CSF1: variants seen among roughly 807,000 people sequenced by gnomAD.
CSF1 encodes the protein colony stimulating factor 1, also known as macrophage colony-stimulating factor 1.
In CSF1, 9 loss-of-function variants were observed where a neutral mutation model predicts 48.9. The ratio of observed to expected loss-of-function variants is 0.18; its 90% CI spans 0.11 to 0.32. The LOEUF (loss-of-function observed/expected upper bound fraction) is 0.32, where lower values mean the gene tolerates loss of function less well. Ranked by LOEUF, CSF1 falls within the 10% of genes least tolerant of loss-of-function variation. The probability of loss-of-function intolerance (pLI) is 1.00; values close to 1 mark genes in which losing one functional copy is unlikely to be tolerated. For missense variants in CSF1, 672 were observed against 697.9 expected (o/e 0.96, Z 0.42); for synonymous variants, 305 against 284.1 (o/e 1.07, Z -0.74).
chr1:109,924,260 G>T, intron 6 of CSF1, 70 bp downstream of exon 6: 2 of 1,404,790 alleles, frequency 1.4e-6, no homozygotes, highest in South Asian at 2.8e-5. Context: ...GGGGGTGCAG[G>T]TGGGGGGACA....
chr1:109,929,931 G>A lies in CSF1; in HGVS notation c.*1093G>A, dbSNP rs1409606878. On this transcript the variant is annotated 3_prime_UTR_variant, in exon 9 of 9. Transcript: ENST00000329608. ...ACTTTGACATTCCCAAGAGGGAAGG[G>A]ACTAGTGGGAGAGAGCAAGGGAGGG... The A allele has an allele frequency of 6.6e-6, 1 of 152,644 alleles. No homozygotes were observed. The highest frequency in any genetic ancestry group is 1.5e-5 in the Non-Finnish European group (1 of 68,274). 9.5% of individuals were successfully genotyped at this position (152,644 alleles called of 1,614,324 possible). A position where few individuals can be genotyped will look rare whatever the true frequency, so the allele number is the denominator to read the frequency against.
Position 109,917,331 on chromosome 1 carries a change from G to A in CSF1, c.264G>A (p.Leu88=). Residue 88 remains leucine, a synonymous_variant, in exon 4 of 9, where the codon CTG becomes CTA. Coordinates refer to ENST00000329608, the MANE Select transcript of CSF1 (RefSeq NM_000757.6). ...PVCYLKKAFL[L]VQDIMEDTMR... Reference sequence around the variant, plus strand: ...GCTACCTTAAGAAGGCATTTCTCCTGGTACAAGACATAATGGAGGACACCA... The same window carrying A: ...GCTACCTTAAGAAGGCATTTCTCCTAGTACAAGACATAATGGAGGACACCA... 1.2e-6 allele frequency: 2 copies of A among 1,614,146 alleles called. No individual in the cohort carries two copies. Among genetic ancestry groups the A allele is most frequent in the Non-Finnish European group, 1.7e-6 (2 of 1,180,028 alleles).
chr1:109,914,283 T>A lies in CSF1; in HGVS notation c.64T>A (p.Leu22Met). The A allele has an allele frequency of 6.2e-7, 1 of 1,607,428 alleles. No homozygotes were observed. Among genetic ancestry groups the A allele is most frequent in the Non-Finnish European group, 8.5e-7 (1 of 1,176,680 alleles). ...PTTWLGSLLLLVCLLASRSIT... is the reference protein window; with the variant it reads ...PTTWLGSLLLMVCLLASRSIT... ...GACATGGCTGGGCTCCCTGCTGTTG[T>A]TGGTCTGTCTCCTGGCGAGCAGGAG... The change falls in exon 2 of 9, where the codon TTG becomes ATG. Residue 22 changes from leucine (L) to methionine (M), a missense_variant. By Grantham distance (15) the Leu-to-Met change is conservative. Transcript: ENST00000329608.
rs1038779801 is a variant in CSF1 at position 109,930,538 on chromosome 1, T to C, written c.*1700T>C. On this transcript the variant is annotated 3_prime_UTR_variant, in exon 9 of 9. Transcript: ENST00000329608. ...AAGTGAGGGTCGGCTGGCCCCACCT[T>C]CCCTGTCCTGATGCCGACAGCTTAG... is the stretch of plus-strand genomic sequence containing the variant. 1 of 152,202 alleles carries C rather than the reference T, an allele frequency of 6.6e-6. No individual in the cohort carries two copies. Among genetic ancestry groups the C allele is most frequent in the African/African-American group, 2.4e-5 (1 of 41,446 alleles). The allele number at this position is 152,202 out of a possible 1,614,324, so 9.4% of individuals were successfully genotyped here. A position where few individuals can be genotyped will look rare whatever the true frequency, so the allele number is the denominator to read the frequency against.
chr1:109,915,826 T>A, intron 3 of CSF1, 130 bp downstream of exon 3: 1 of 769,798 alleles, frequency 1.3e-6, no homozygotes. Flanking sequence ...GATCCATGGG[T>A]GCTCAACTCT....
At chr1:109,921,786 T>G in intron 4 of CSF1, 61 bp from the exon 5 acceptor site, 1 of 1,464,704 alleles carries the variant, frequency 6.8e-7, no homozygotes, top group Non-Finnish European at 9.1e-7. Flanking sequence ...ATTTGACAAA[T>G]AAGATGGAGA....
chr1:109,922,026 G>C, intron 5 of CSF1, 32 bp downstream of exon 5: 1 of 1,558,672 alleles, frequency 6.4e-7, no homozygotes, highest in Non-Finnish European at 8.7e-7. Context: ...AAGTGTGTGG[G>C]GGTGGTAGCA....
At chr1:109,918,852 T>C (rs757978931) in intron 4 of CSF1, among the ~76,000 whole-genome samples, 10 of 151,876 alleles carry the variant, frequency 6.6e-5, no homozygotes, top group Non-Finnish European at 1.2e-4. Context: ...GTTCGGCTTA[T>C]CTGTGAAGCC....
intron 7 of CSF1, 121 bp downstream of exon 7, chr1:109,924,949 G>A (rs1435961527): frequency 1.8e-6 from 2 of 1,107,758 alleles, no homozygotes; most frequent in East Asian, 2.5e-5. Flanking sequence ...AGAACAGGAT[G>A]GGGGAGAGAA....
intron 1 of CSF1, among the ~76,000 whole-genome samples, chr1:109,911,924 A>G (rs945614838): frequency 2.6e-5 from 4 of 152,110 alleles, no homozygotes; most frequent in African/African-American, 9.7e-5. Context: ...TGAGGGTGGC[A>G]CTGTTCATGA....
intron 2 of CSF1, 109 bp downstream of exon 2, chr1:109,914,490 G>A: frequency 3.1e-6 from 4 of 1,294,692 alleles, no homozygotes; most frequent in Admixed American, 3.1e-5. Flanking sequence ...ATAGGGCAGT[G>A]CGGGACATTG....
intron 3 of CSF1, among the ~76,000 whole-genome samples, 174 bp from the exon 4 acceptor site, chr1:109,917,119 C>G (rs913830539): frequency 1.3e-5 from 2 of 152,034 alleles, no homozygotes; most frequent in African/African-American, 4.8e-5. Flanking sequence ...GCGCTAGATC[C>G]CAAAGAGAGA....
upstream of CSF1, chr1:109,910,555 G>A (rs867029394): frequency 3.1e-5 from 10 of 318,116 alleles, no homozygotes; most frequent in Middle Eastern, 1.9e-3. Flanking sequence ...CAGAGGGCGC[G>A]GGGAAGGCAG....
At chr1:109,924,599 A>T (rs989768978) in intron 6 of CSF1, among the ~76,000 whole-genome samples, 177 bp from the exon 7 acceptor site, 1 of 152,154 alleles carries the variant, frequency 6.6e-6, no homozygotes, top group African/African-American at 2.4e-5. Flanking sequence ...AGGGGACACC[A>T]TCAGCAGAGA....
chr1:109,917,181 G>A, intron 3 of CSF1, 112 bp from the exon 4 acceptor site: 1 of 1,127,458 alleles, frequency 8.9e-7, no homozygotes, highest in Non-Finnish European at 1.3e-6. Context: ...GCATGGTGTG[G>A]TCCCTCCCCT....
intron 3 of CSF1, among the ~76,000 whole-genome samples, chr1:109,916,434 G>T (rs867659672): frequency 2.6e-5 from 4 of 152,050 alleles, no homozygotes; most frequent in Admixed American, 1.3e-4. Flanking sequence ...TCTAGTCTGG[G>T]TTACACCAGG....
intron 4 of CSF1, among the ~76,000 whole-genome samples, chr1:109,919,610 T>A (rs1180270990): frequency 6.6e-6 from 1 of 152,176 alleles, no homozygotes; most frequent in Non-Finnish European, 1.5e-5. Flanking sequence ...GGGGAATGTG[T>A]TGAAAATGCA....
intron 4 of CSF1, among the ~76,000 whole-genome samples, chr1:109,919,061 C>G (rs542929554): frequency 6.6e-6 from 1 of 152,198 alleles, no homozygotes; most frequent in African/African-American, 2.4e-5. Context: ...AGAAATCAAG[C>G]AAGGTGAGGG....
At position 109,923,675 on chromosome 1, in the gene CSF1, G is replaced by C; in HGVS notation, c.1054G>C (p.Ala352Pro). The C allele has an allele frequency of 6.2e-7, 1 of 1,613,772 alleles. No individual in the cohort carries two copies. Among genetic ancestry groups the C allele is most frequent in the Non-Finnish European group, 8.5e-7 (1 of 1,179,804 alleles). The change falls in exon 6 of 9, where the codon GCA (alanine) becomes CCA (proline). Residue 352 changes from alanine to proline, a missense_variant. Around this residue, in one of 3 missense-constraint regions of CSF1, gnomAD observed 591 missense variants for 593.6 expected, o/e 1.00. Coordinates refer to ENST00000329608, the MANE Select transcript of CSF1 (RefSeq NM_000757.6). ...NFLSASSPLPASAKGQQPADV... is the reference protein window; with the variant it reads ...NFLSASSPLPPSAKGQQPADV... ...CCTCTCAGCATCTTCTCCACTCCCT[G>C]CATCAGCAAAGGGCCAACAGCCGGC...
Sources: gnomAD v4.1 joint callset for allele counts (sites outside exome capture counted in the v4.1 genomes callset) on GRCh38, gnomAD v4.1.1 for gene constraint, gnomAD v4.1.1 regional missense constraint, MANE v1.5 for transcripts, NCBI Gene and HGNC (gene_info 2026-07-23, HGNC 2026-07-21) for gene names.